The following USP22 variants were observed in gnomAD, a reference collection of about 807,000 sequenced individuals.
The protein encoded by USP22 is ubiquitin specific peptidase 22.
Under a neutral mutation model 68.1 loss-of-function variants are expected in USP22, and 22 were observed. That is an observed-to-expected ratio of 0.32 (90% CI 0.23 to 0.46). The LOEUF is 0.46. Among genes scored for constraint, USP22 ranks in the 20% least tolerant of loss-of-function variants. USP22 has a pLI of 1.00. For synonymous variants in USP22, 279 were observed against 274.2 expected, an observed-to-expected ratio of 1.02 and a Z score of -0.17; for missense variants, 433 against 695.8, an observed-to-expected ratio of 0.62 and a Z score of 4.25.
At chr17:21,012,976 A>C in intron 6 of USP22, 41 bp from the exon 7 acceptor site, 1 of 1,586,980 alleles carries the variant, frequency 6.3e-7, no homozygotes, top group Non-Finnish European at 8.7e-7. Context: ...GTCTCCCCAA[A>C]TATGGGGAGT....
chr17:21,043,348 A>G, upstream of USP22: 1 of 139,156 alleles, frequency 7.2e-6, no homozygotes, highest in Non-Finnish European at 1.3e-5. Context: ...GGCTCTCAGT[A>G]TAGTCCGTCT....
At chr17:21,027,883 G>T (rs948830290) in intron 2 of USP22, among the ~76,000 whole-genome samples, 1 of 152,244 alleles carries the variant, frequency 6.6e-6, no homozygotes, top group South Asian at 2.1e-4. Context: ...CAGGAGAACT[G>T]CTTGAATCCA....
chr17:21,029,844 C>T (rs1205302284), intron 1 of USP22, among the ~76,000 whole-genome samples: 1 of 152,144 alleles, frequency 6.6e-6, no homozygotes, highest in African/African-American at 2.4e-5. Flanking sequence ...TAGATAAATC[C>T]ACCAACACAA....
intron 1 of USP22, among the ~76,000 whole-genome samples, chr17:21,036,030 CAAAAAAAA>C (rs35324126): frequency 2.4e-3 from 142 of 59,648 alleles, no homozygotes; most frequent in Middle Eastern, 0.013. Context: ...GACTCCGTCT[CAAAAAAAA>C]AAAAAAAAAA....
At chr17:21,040,818 T>C (rs1363182628) in intron 1 of USP22, among the ~76,000 whole-genome samples, 1 of 151,460 alleles carries the variant, frequency 6.6e-6, no homozygotes, top group Non-Finnish European at 1.5e-5. Context: ...CACGTCCCAA[T>C]CCGGACACTA....
chr17:21,043,063 T>G, upstream of USP22: 1 of 198,040 alleles, frequency 5.0e-6, no homozygotes, highest in Non-Finnish European at 9.9e-6. Flanking sequence ...CGCTGCGCTC[T>G]CGCGGTTCGC....
Position 21,002,973 on chromosome 17 carries a change from C to T in USP22, c.*58G>A, listed in dbSNP as rs1329025938. The T allele has an allele frequency of 6.9e-6, 11 of 1,603,256 alleles. No individual in the cohort carries two copies. The East Asian group carries it at 2.2e-4, about 33-fold the overall frequency. ...GGGGGAGGGGGGGGCCAGGGAGGAT[C>T]ACTTTGTGAGGCTTGCCAATGCATT... On this transcript the variant is annotated 3_prime_UTR_variant, in exon 13 of 13. Transcript: ENST00000261497.
chr17:21,002,936 G>A lies in USP22; in HGVS notation c.*95C>T, dbSNP rs951206979. On this transcript the variant is annotated 3_prime_UTR_variant, in exon 13 of 13. Coordinates refer to ENST00000261497, the MANE Select transcript of USP22 (RefSeq NM_015276.2). ...GGTGGTGTCACCAGGCCGGGGAGGC[G>A]GCGGGAGACTTGGGGGAGGGGGGGG... is the stretch of plus-strand genomic sequence containing the variant. The A allele has an allele frequency of 6.8e-5, 101 of 1,487,366 alleles. No homozygotes were observed. The highest frequency in any genetic ancestry group is 4.8e-4 in the Middle Eastern group (2 of 4,170). 92.1% of individuals were successfully genotyped at this position (1,487,366 alleles called of 1,614,324 possible).
In USP22 at chr17:21,033,407, C is replaced by G. The variant is rs551788759; in HGVS notation, c.172-4733G>C. Among the ~76,000 whole-genome samples the G allele has an allele frequency of 8.5e-5, 13 of 152,192 alleles. No homozygotes were observed. In the East Asian group the frequency reaches 2.5e-3, roughly 29 times the overall value. ...CCTGCCAAATTCATTAATTTGGTCC[C>G]GATATTAAGAATATTCCTCTGAATA... is the stretch of plus-strand genomic sequence containing the variant. On this transcript the variant is annotated intron_variant, in intron 1 of 12. Coordinates refer to ENST00000261497, the MANE Select transcript of USP22 (RefSeq NM_015276.2).
intron 2 of USP22, among the ~76,000 whole-genome samples, chr17:21,023,459 G>A (rs1972181690): frequency 6.6e-6 from 1 of 152,030 alleles, no homozygotes; most frequent in African/African-American, 2.4e-5. Flanking sequence ...TCCAGGACCA[G>A]CCTAGGCAAC....
chr17:21,005,547 C>A (rs1913751416), intron 10 of USP22, among the ~76,000 whole-genome samples: 1 of 152,094 alleles, frequency 6.6e-6, no homozygotes, highest in Non-Finnish European at 1.5e-5. Context: ...TCTTTGAGAC[C>A]CTGACCTTAG....
rs3047596 is a variant in USP22 at position 21,030,368 on chromosome 17, T to TTGTG, written c.172-1698_172-1695dup. Among the ~76,000 whole-genome samples the TTGTG allele has an allele frequency of 3.5e-3, 525 of 150,868 alleles. 4 individuals are homozygous for TTGTG. Among genetic ancestry groups the TTGTG allele is most frequent in the East Asian group, 0.035 (178 of 5,132 alleles). ...CCCACAGAGGTGGAACTCAGGCCGC[T>TTGTG]TGTGTGTGTGTGTGTGTGTATGTAT... On this transcript the variant is annotated intron_variant, in intron 1 of 12. Coordinates refer to ENST00000261497, the MANE Select transcript of USP22 (RefSeq NM_015276.2).
At chr17:21,035,453 G>C (rs1333976924) in intron 1 of USP22, among the ~76,000 whole-genome samples, 1 of 151,848 alleles carries the variant, frequency 6.6e-6, no homozygotes, top group Non-Finnish European at 1.5e-5. Flanking sequence ...GATCAAGTCT[G>C]TGTGCTAAAT....
intron 2 of USP22, among the ~76,000 whole-genome samples, chr17:21,025,423 G>C (rs1211176057): frequency 1.3e-5 from 2 of 152,208 alleles, no homozygotes; most frequent in Non-Finnish European, 1.5e-5. Flanking sequence ...GAATTAAAAT[G>C]GTGCAGCCAC....
At position 21,032,922 on chromosome 17, in the gene USP22, C is replaced by CAAAAAAAAAAAAAA. The variant is rs753804890; in HGVS notation, c.172-4262_172-4249dup. Reference sequence around the variant, plus strand: ...TGAGCAACAGAACCAGACCCTGTCTCAAAAAAAAAAAAAAAAAAAAAAAAA... The same window carrying CAAAAAAAAAAAAAA: ...TGAGCAACAGAACCAGACCCTGTCTCAAAAAAAAAAAAAAAAAAAAAAAAAAAAAAAAAAAAAAA... On this transcript the variant is annotated intron_variant, in intron 1 of 12. Transcript: ENST00000261497. 1.9e-4 allele frequency among the ~76,000 whole-genome samples: 17 copies of CAAAAAAAAAAAAAA among 91,570 alleles called. 1 individual carries two copies. Among genetic ancestry groups the CAAAAAAAAAAAAAA allele is most frequent in the African/African-American group, 6.9e-4 (12 of 17,360 alleles). The allele number at this position is 91,570 out of a possible 152,430, so 60.1% of individuals were successfully genotyped here. A position where few individuals can be genotyped will look rare whatever the true frequency, so the allele number is the denominator to read the frequency against.
intron 1 of USP22, among the ~76,000 whole-genome samples, chr17:21,040,362 T>C (rs550667364): frequency 6.6e-6 from 1 of 152,114 alleles, no homozygotes; most frequent in Non-Finnish European, 1.5e-5. Flanking sequence ...GCACATGAAG[T>C]GATACAGGTA....
At chr17:21,038,581 T>C (rs959378508) in intron 1 of USP22, among the ~76,000 whole-genome samples, 3 of 150,938 alleles carry the variant, frequency 2.0e-5, no homozygotes, top group Admixed American at 6.6e-5. Flanking sequence ...GGCAGGAGGA[T>C]CACTGGACCC....
chr17:21,042,948 C>T lies in USP22; in HGVS notation c.-113G>A, dbSNP rs893669154. 6.0e-6 allele frequency: 4 copies of T among 665,830 alleles called. No homozygotes were observed. The highest frequency in any genetic ancestry group is 5.7e-5 in the African/African-American group (3 of 52,506). The allele number at this position is 665,830 out of a possible 1,614,324, so 41.2% of individuals were successfully genotyped here. A position where few individuals can be genotyped will look rare whatever the true frequency, so the allele number is the denominator to read the frequency against. On this transcript the variant is annotated 5_prime_UTR_variant, in exon 1 of 13. Transcript: ENST00000261497. Reference sequence around the variant, plus strand: ...GCCAGGCTGGCCAAGGCCCGGGCGCCGAGAACAAAGCGCGGAGGCCGGACA... The same window carrying T: ...GCCAGGCTGGCCAAGGCCCGGGCGCTGAGAACAAAGCGCGGAGGCCGGACA...
chr17:21,035,047 C>G (rs1207177638), intron 1 of USP22, among the ~76,000 whole-genome samples: 1 of 152,170 alleles, frequency 6.6e-6, no homozygotes, highest in Non-Finnish European at 1.5e-5. Flanking sequence ...CCAAGAGATG[C>G]TGTGCTGAGG....
Sources: gnomAD v4.1 joint callset for allele counts (sites outside exome capture counted in the v4.1 genomes callset) on GRCh38, gnomAD v4.1.1 for gene constraint, MANE v1.5 for transcripts, NCBI Gene and HGNC (gene_info 2026-07-23, HGNC 2026-07-21) for gene names.